The following LIN28B variants were observed in gnomAD, a reference collection of about 807,000 sequenced individuals.
LIN28B encodes the protein lin-28 RNA binding posttranscriptional regulator B.
In LIN28B, 5 loss-of-function variants were observed where a neutral mutation model predicts 21.9. That is an observed-to-expected ratio of 0.23 (90% CI 0.12 to 0.48). LIN28B has a LOEUF of 0.48. Among genes scored for constraint, LIN28B ranks in the 20% least tolerant of loss-of-function variants. The probability of loss-of-function intolerance (pLI) is 0.98; values close to 1 mark genes in which losing one functional copy is unlikely to be tolerated. For missense variants in LIN28B, 245 were observed against 310.5 expected, an observed-to-expected ratio of 0.79 and a Z score of 1.58; for synonymous variants, 109 against 111.3, an observed-to-expected ratio of 0.98 and a Z score of 0.13.
At chr6:105,021,463 G>A (rs1771140015) in intron 2 of LIN28B, among the ~76,000 whole-genome samples, 2 of 152,058 alleles carry the variant, frequency 1.3e-5, no homozygotes, top group Non-Finnish European at 2.9e-5. Context: ...TATAAAGGTT[G>A]TACTAATTTG....
At chr6:104,992,514 GT>G (rs71003467) in intron 2 of LIN28B, among the ~76,000 whole-genome samples, 11 of 139,602 alleles carry the variant, frequency 7.9e-5, no homozygotes, top group African/African-American at 2.8e-4. Context: ...GTGTGTGTGT[GT>G]TTTTTTTTTA....
At chr6:104,976,681 C>T (rs1284594739) in intron 2 of LIN28B, among the ~76,000 whole-genome samples, 1 of 152,094 alleles carries the variant, frequency 6.6e-6, no homozygotes, top group African/African-American at 2.4e-5. Context: ...TTGGAAATAC[C>T]TAGGAAATTG....
At chr6:105,029,805 C>A (rs939490607) in intron 3 of LIN28B, among the ~76,000 whole-genome samples, 11 of 152,048 alleles carry the variant, frequency 7.2e-5, no homozygotes. Context: ...TGAGGTTTTT[C>A]CTAGTTGAGA....
At chr6:105,037,658 G>A (rs1771548135) in intron 3 of LIN28B, among the ~76,000 whole-genome samples, 1 of 151,400 alleles carries the variant, frequency 6.6e-6, no homozygotes, top group Non-Finnish European at 1.5e-5. Flanking sequence ...GACTACACAT[G>A]TGCACCACCA....
At chr6:104,970,634 A>G (rs1769957303) in intron 2 of LIN28B, among the ~76,000 whole-genome samples, 1 of 152,172 alleles carries the variant, frequency 6.6e-6, no homozygotes, top group African/African-American at 2.4e-5. Context: ...TTTTTCTATC[A>G]GTTATCTTTT....
chr6:104,991,098 G>A (rs1470799788), intron 2 of LIN28B, among the ~76,000 whole-genome samples: 4 of 151,946 alleles, frequency 2.6e-5, no homozygotes, highest in Non-Finnish European at 5.9e-5. Flanking sequence ...ACGGGGTGGC[G>A]GCGGGCAGAG....
In LIN28B at chr6:105,045,274, A is replaced by G. The variant is rs1408751672; in HGVS notation, c.383+18792A>G. Among the ~76,000 whole-genome samples, 17 of 145,220 alleles carry G rather than the reference A, an allele frequency of 1.2e-4. No homozygotes were observed. In the Admixed American group the frequency reaches 1.2e-3, roughly 10 times the overall value. ...AATATGGAATACTTCATAAATTTGTATGTCATTCTGTTTTTTTTTTTTTTT... is the reference window on the plus strand; with the variant it reads ...AATATGGAATACTTCATAAATTTGTGTGTCATTCTGTTTTTTTTTTTTTTT... On this transcript the variant is annotated intron_variant, in intron 3 of 3. Transcript: ENST00000345080.
chr6:104,962,684 CAA>C (rs779975759), intron 2 of LIN28B, among the ~76,000 whole-genome samples: 9 of 151,898 alleles, frequency 5.9e-5, no homozygotes, highest in East Asian at 3.9e-4. Flanking sequence ...TGTAGGAAAA[CAA>C]ATTTATTTCA....
At chr6:104,966,616 C>G (rs1769864443) in intron 2 of LIN28B, among the ~76,000 whole-genome samples, 1 of 140,246 alleles carries the variant, frequency 7.1e-6, no homozygotes, top group Non-Finnish European at 1.5e-5. Flanking sequence ...CCATGCCCGG[C>G]TGATTTTTTT....
chr6:105,072,088 CTGTG>C (rs3035164), intron 3 of LIN28B, among the ~76,000 whole-genome samples: 4 of 148,848 alleles, frequency 2.7e-5, no homozygotes, highest in Non-Finnish European at 4.5e-5. Context: ...TCTTTTGTGT[CTGTG>C]TGTGTGTGTG....
intron 3 of LIN28B, among the ~76,000 whole-genome samples, chr6:105,051,083 G>A (rs1328469252): frequency 6.6e-6 from 1 of 150,936 alleles, no homozygotes; most frequent in Non-Finnish European, 1.5e-5. Flanking sequence ...TGGTATATAG[G>A]ATTCATGTAG....
chr6:105,072,013 T>C (rs551126770), intron 3 of LIN28B, among the ~76,000 whole-genome samples: 2 of 152,222 alleles, frequency 1.3e-5, no homozygotes, highest in African/African-American at 4.8e-5. Flanking sequence ...GTTTTATAGA[T>C]GGGATGCTCA....
Position 105,026,469 on chromosome 6 carries a change from C to A in LIN28B, c.370C>A (p.Pro124Thr). The A allele has an allele frequency of 6.4e-7, 1 of 1,568,006 alleles. No homozygotes were observed. ...AGGGAAGACACTACAGAAAAGAAAA[C>A]CAAAGGGAGATAGGTAATCATTTTT... ...PKGKTLQKRK[P>T]KGDRCYNCGG... Residue 124 changes from proline (P) to threonine (T), a missense_variant, in exon 3 of 4, where the codon CCA becomes ACA. Transcript: ENST00000345080.
chr6:104,973,844 A>T (rs1420435300), intron 2 of LIN28B, among the ~76,000 whole-genome samples: 2 of 152,192 alleles, frequency 1.3e-5, no homozygotes, highest in Non-Finnish European at 2.9e-5. Context: ...TAATTCTTTT[A>T]TACCTTTTCT....
chr6:105,023,135 T>G (rs1771170444), intron 2 of LIN28B, among the ~76,000 whole-genome samples: 1 of 138,224 alleles, frequency 7.2e-6, no homozygotes, highest in Admixed American at 8.7e-5. Context: ...GCAGCTATTT[T>G]GGTCTAATAG....
At chr6:104,946,870 T>C (rs1407474338) in intron 2 of LIN28B, among the ~76,000 whole-genome samples, 1 of 152,156 alleles carries the variant, frequency 6.6e-6, no homozygotes, top group Non-Finnish European at 1.5e-5. Context: ...AACAAAAAAT[T>C]ATCTGAAGTA....
intron 3 of LIN28B, among the ~76,000 whole-genome samples, chr6:105,048,549 A>T (rs1173611814): frequency 6.6e-6 from 1 of 152,058 alleles, no homozygotes; most frequent in Non-Finnish European, 1.5e-5. Flanking sequence ...GTTAGGGAGG[A>T]TTCCCTCTTT....
chr6:104,957,287 T>C (rs768254230), intron 1 of LIN28B, 27 bp downstream of exon 1: 2 of 1,542,910 alleles, frequency 1.3e-6, no homozygotes, highest in South Asian at 1.1e-5. Context: ...ATTGTTTTAC[T>C]GTGAATTTCT....
intron 2 of LIN28B, among the ~76,000 whole-genome samples, chr6:104,995,602 A>G (rs1409746935): frequency 6.6e-6 from 1 of 152,182 alleles, no homozygotes; most frequent in Non-Finnish European, 1.5e-5. Flanking sequence ...GGAAGAAAAG[A>G]ATCCAGGAAT....
Sources: allele counts gnomAD v4.1 joint callset (sites outside exome capture counted in the v4.1 genomes callset), GRCh38; gene constraint gnomAD v4.1.1; transcripts MANE v1.5; gene names NCBI Gene and HGNC (gene_info 2026-07-23, HGNC 2026-07-21).